SNX13: variants seen among roughly 807,000 people sequenced by gnomAD.
SNX13 encodes sorting nexin 13.
A neutral mutation model predicts 133.6 loss-of-function variants in SNX13; 45 were observed. The ratio of observed to expected loss-of-function variants is 0.34; its 90% confidence interval spans 0.27 to 0.43. The LOEUF (loss-of-function observed/expected upper bound fraction) is 0.43. Among genes scored for constraint, SNX13 ranks in the 20% least tolerant of loss-of-function variants. The probability of loss-of-function intolerance (pLI) is 1.00; values close to 1 mark genes in which losing one functional copy is unlikely to be tolerated. For missense variants in SNX13, 1,032 were observed against 1,145.1 expected (o/e 0.90, Z 1.43); for synonymous variants, 414 against 373.9 (o/e 1.11, Z -1.24).
At chr7:17,900,057 C>G (rs187413432) in intron 1 of SNX13, 1 of 152,316 alleles carries the variant, frequency 6.6e-6, no homozygotes, top group Non-Finnish European at 1.5e-5. Flanking sequence ...TGTTGTGGCT[C>G]TGAAAGACTT....
intron 1 of SNX13, among the ~76,000 whole-genome samples, chr7:17,930,779 G>T (rs1801306071): frequency 6.6e-6 from 1 of 152,150 alleles, no homozygotes; most frequent in Admixed American, 6.6e-5. Context: ...GAGCAGCAGG[G>T]GTTAGTGGCG....
intron 13 of SNX13, 139 bp downstream of exon 13, chr7:17,839,668 G>T: frequency 1.6e-6 from 1 of 623,946 alleles, no homozygotes; most frequent in Non-Finnish European, 2.6e-6. Context: ...CTTAAACGAG[G>T]ATACAGACAG....
chr7:17,807,205 T>C (rs986740968), intron 20 of SNX13, among the ~76,000 whole-genome samples: 1 of 151,978 alleles, frequency 6.6e-6, no homozygotes, highest in Non-Finnish European at 1.5e-5. Flanking sequence ...TAAGATCCAC[T>C]AGCTTGAAAT....
intron 15 of SNX13, 74 bp downstream of exon 15, chr7:17,833,978 A>T: frequency 8.5e-7 from 1 of 1,177,616 alleles, no homozygotes; most frequent in East Asian, 2.8e-5. Flanking sequence ...TTTAACTTAT[A>T]CAAAAGCTCT....
chr7:17,834,302 C>T (rs1788870871), intron 14 of SNX13, 118 bp from the exon 15 acceptor site: 2 of 852,770 alleles, frequency 2.3e-6, no homozygotes, highest in South Asian at 3.0e-5. Flanking sequence ...TAGTTACAAG[C>T]TGTCAGCAAT....
chr7:17,891,766 C>T (rs1796655669), intron 3 of SNX13, 131 bp from the exon 4 acceptor site: 2 of 574,770 alleles, frequency 3.5e-6, no homozygotes, highest in Non-Finnish European at 6.0e-6. Context: ...ATTTGAGGTG[C>T]TACTCTATAA....
At chr7:17,797,493 T>TG (rs1784176612) in intron 24 of SNX13, among the ~76,000 whole-genome samples, 2 of 151,856 alleles carry the variant, frequency 1.3e-5, no homozygotes, top group South Asian at 4.1e-4. Context: ...CCCTAATTCT[T>TG]GGTCTGAAGG....
chr7:17,932,395 A>C (rs1471138210), intron 1 of SNX13, among the ~76,000 whole-genome samples: 2 of 152,222 alleles, frequency 1.3e-5, no homozygotes, highest in Non-Finnish European at 2.9e-5. Context: ...TTACTATATA[A>C]AATGTCTAAT....
At chr7:17,885,492 C>G (rs1302126637) in intron 5 of SNX13, among the ~76,000 whole-genome samples, 4 of 152,138 alleles carry the variant, frequency 2.6e-5, no homozygotes, top group Non-Finnish European at 5.9e-5. Flanking sequence ...TGAATTGTAT[C>G]AGTTAATAAT....
chr7:17,914,874 A>G (rs977942214), intron 1 of SNX13, among the ~76,000 whole-genome samples: 3 of 152,228 alleles, frequency 2.0e-5, no homozygotes, highest in African/African-American at 7.2e-5. Flanking sequence ...CTCACATATC[A>G]GTATTACCCT....
chr7:17,820,057 A>C (rs2128301575), intron 18 of SNX13, among the ~76,000 whole-genome samples: 1 of 152,300 alleles, frequency 6.6e-6, no homozygotes, highest in African/African-American at 2.4e-5. Flanking sequence ...CTGTCCTCTT[A>C]AAGTTTTCTT....
chr7:17,902,882 A>C (rs1412871683), intron 1 of SNX13, among the ~76,000 whole-genome samples: 1 of 152,106 alleles, frequency 6.6e-6, no homozygotes, highest in East Asian at 1.9e-4. Flanking sequence ...CGTGAAACCT[A>C]TTGTGAACTG....
At chr7:17,912,100 T>C (rs1408426928) in intron 1 of SNX13, among the ~76,000 whole-genome samples, 1 of 152,186 alleles carries the variant, frequency 6.6e-6, no homozygotes, top group Non-Finnish European at 1.5e-5. Context: ...CAAGCTTTAA[T>C]TCAAGAAAGA....
intron 15 of SNX13, chr7:17,832,026 A>G: frequency 2.0e-6 from 2 of 984,016 alleles, no homozygotes; most frequent in Non-Finnish European, 2.4e-6. Context: ...ATCAATTAGG[A>G]AACAAAATAT....
At chr7:17,808,125 G>GT (rs1355597494) in intron 20 of SNX13, among the ~76,000 whole-genome samples, 3 of 152,202 alleles carry the variant, frequency 2.0e-5, no homozygotes, top group East Asian at 1.9e-4. Flanking sequence ...ACTGACAGAA[G>GT]TAAGCTTCAG....
Position 17,875,468 on chromosome 7 carries a change from T to C in SNX13, c.664+12A>G, listed in dbSNP as rs755100669. ...AGCTACTATTGTCAAAAAAGTTAAA[T>C]TAAAAGAAAACCTTCTTCATCTTTG... is the stretch of plus-strand genomic sequence containing the variant. On this transcript the variant is annotated intron_variant, in intron 7 of 25. Transcript: ENST00000428135. 6.2e-7 allele frequency: 1 copy of C among 1,601,288 alleles called. No homozygotes were observed. Among genetic ancestry groups the C allele is most frequent in the Non-Finnish European group, 8.5e-7 (1 of 1,176,248 alleles).
At position 17,859,294 on chromosome 7, in the gene SNX13, A is replaced by G. The variant is rs189908182; in HGVS notation, c.838-8330T>C. Reference sequence around the variant, plus strand: ...AAATGAGCACTTGAAAAAAGATACAAAACAGGCCAATAATCACAGGAAAAG... The same window carrying G: ...AAATGAGCACTTGAAAAAAGATACAGAACAGGCCAATAATCACAGGAAAAG... On this transcript the variant is annotated intron_variant, in intron 9 of 25. Coordinates refer to ENST00000428135, the MANE Select transcript of SNX13 (RefSeq NM_015132.5). Among the ~76,000 whole-genome samples, 980 of 152,176 alleles carry G rather than the reference A, an allele frequency of 6.4e-3. 12 individuals carry two copies. Among genetic ancestry groups the G allele is most frequent in the Admixed American group, 9.1e-3 (139 of 15,294 alleles).
chr7:17,843,477 T>C (rs1471303725), intron 12 of SNX13, among the ~76,000 whole-genome samples: 2 of 152,000 alleles, frequency 1.3e-5, no homozygotes, highest in Non-Finnish European at 2.9e-5. Flanking sequence ...AGTGCCACAA[T>C]AATAGTTGGA....
intron 1 of SNX13, among the ~76,000 whole-genome samples, chr7:17,903,552 A>C (rs1239296184): frequency 6.6e-6 from 1 of 152,204 alleles, no homozygotes; most frequent in African/African-American, 2.4e-5. Context: ...CACCTATGTC[A>C]TGTGGTTACT....
Sources: allele counts gnomAD v4.1 joint callset (sites outside exome capture counted in the v4.1 genomes callset), GRCh38; gene constraint gnomAD v4.1.1; transcripts MANE v1.5; gene names NCBI Gene and HGNC (gene_info 2026-07-23, HGNC 2026-07-21).